The following EPHA2 variants were observed in gnomAD, a reference collection of about 807,000 sequenced individuals.
EPHA2 encodes ephrin type-A receptor 2.
A neutral mutation model predicts 104.9 loss-of-function variants in EPHA2; 54 were observed. The ratio of observed to expected loss-of-function variants is 0.51; its 90% CI spans 0.41 to 0.65. EPHA2 has a LOEUF of 0.65. Ranked by LOEUF, EPHA2 falls within the 30% of genes least tolerant of loss-of-function variation. The pLI is 0.00. For synonymous variants in EPHA2, 560 were observed against 559.1 expected (o/e 1.00, Z -0.02); for missense variants, 1,117 against 1,369.5 (o/e 0.82, Z 2.91).
chr1:16,154,780 AGAAG>A, intron 1 of EPHA2, among the ~76,000 whole-genome samples: 1 of 148,820 alleles, frequency 6.7e-6, no homozygotes, highest in Admixed American at 6.7e-5. Context: ...AAAAAAAAAA[AGAAG>A]GAAACTTCTC....
At chr1:16,127,735 G>A (rs2024495977) in intron 16 of EPHA2, among the ~76,000 whole-genome samples, 1 of 152,218 alleles carries the variant, frequency 6.6e-6, no homozygotes, top group Non-Finnish European at 1.5e-5. Flanking sequence ...AGTGGCTGGT[G>A]GGAGGAGCGG....
rs768555340 is a variant in EPHA2, at chr1:16,131,821, C to T, written c.2375G>A (p.Arg792Gln). Residue 792 changes from arginine to glutamine, a missense_variant, in exon 14 of 17, where the codon CGG (arginine) becomes CAG (glutamine). Around this residue, in one of 3 missense-constraint regions of EPHA2, gnomAD observed 340 missense variants for 480.5 expected, o/e 0.71. Coordinates refer to ENST00000358432, the MANE Select transcript of EPHA2 (RefSeq NM_004431.5). This position sits in a 1 kb window ranked among gnomAD's most constrained non-coding sequence, Gnocchi z 5.2. ...CACGTCGCTGGCAGAGGTGAACTTC[C>T]GGTAGGAAATGGCCTCCGGGGCGGT... is the stretch of plus-strand genomic sequence containing the variant. The part of the protein sequence containing the change: ...RWTAPEAISY[R>Q]KFTSASDVWS... The T allele has an allele frequency of 6.8e-6, 11 of 1,614,124 alleles. No homozygotes were observed. The highest frequency in any genetic ancestry group is 3.3e-5 in the Admixed American group (2 of 60,026).
intron 16 of EPHA2, among the ~76,000 whole-genome samples, chr1:16,126,139 A>G (rs993447696): frequency 6.6e-6 from 1 of 152,106 alleles, no homozygotes; most frequent in Non-Finnish European, 1.5e-5. Context: ...AGATGGACAG[A>G]TGTGCCCAGG....
At chr1:16,142,468 T>G (rs992517682) in intron 3 of EPHA2, among the ~76,000 whole-genome samples, 4 of 152,208 alleles carry the variant, frequency 2.6e-5, no homozygotes, top group Non-Finnish European at 4.4e-5. Context: ...CAGTTAATGT[T>G]TGCTGAATGG....
rs746422806 is a variant in EPHA2 at position 16,135,031 on chromosome 1, C to T, written c.1582+5G>A. Reference sequence around the variant, plus strand: ...CTGGTCCATGCCCAGGGTCCCCCAACTCACACAGCGTCTGGAATTCGTGCA... The same window carrying T: ...CTGGTCCATGCCCAGGGTCCCCCAATTCACACAGCGTCTGGAATTCGTGCA... On this transcript the variant is annotated splice_donor_5th_base_variant and intron_variant, in intron 7 of 16. Coordinates refer to ENST00000358432, the MANE Select transcript of EPHA2 (RefSeq NM_004431.5). The surrounding 1 kb of genome is among the most constrained non-coding windows in gnomAD (Gnocchi z 4.3). 6.2e-7 allele frequency: 1 copy of T among 1,611,900 alleles called. No homozygotes were observed. Among genetic ancestry groups the T allele is most frequent in the Non-Finnish European group, 8.5e-7 (1 of 1,180,012 alleles).
At chr1:16,149,429 C>T (rs890816722) in intron 2 of EPHA2, among the ~76,000 whole-genome samples, 2 of 152,220 alleles carry the variant, frequency 1.3e-5, no homozygotes, top group Non-Finnish European at 2.9e-5. Flanking sequence ...ACTGGCTGAA[C>T]ACAGTGCTTG....
rs564585956 is a variant in EPHA2 at position 16,140,450 on chromosome 1, T to G, written c.824-2020A>C. ...TAAGCACTGTACCCTCATTTAGTCC[T>G]CGCAATAGACCTGCTATATACAGGC... On this transcript the variant is annotated intron_variant, in intron 3 of 16. Coordinates refer to ENST00000358432, the MANE Select transcript of EPHA2 (RefSeq NM_004431.5). Among the ~76,000 whole-genome samples, 17 of 152,146 alleles carry G rather than the reference T, an allele frequency of 1.1e-4. 1 individual carries two copies. The highest frequency in any genetic ancestry group is 1.9e-4 in the Non-Finnish European group (13 of 68,020).
intron 1 of EPHA2, chr1:16,155,555 G>C (rs1281265724): frequency 2.6e-6 from 1 of 383,140 alleles, no homozygotes; most frequent in African/African-American, 2.1e-5. Context: ...CCGCCGGGAC[G>C]CGTTCCCGAA....
Position 16,135,141 on chromosome 1 carries a change from T to C in EPHA2, c.1477A>G (p.Thr493Ala), listed in dbSNP as rs1230360816. 2 of 1,613,788 alleles carry C rather than the reference T, an allele frequency of 1.2e-6. No individual in the cohort carries two copies. The highest frequency in any genetic ancestry group is 1.7e-6 in the Non-Finnish European group (2 of 1,180,014). ...GTGTCTGGGGCCAGGTCGTCCAGGG[T>C]CACGGAGAAACCCTCGGTGCGGCGC... ...NVRRTEGFSV[T>A]LDDLAPDTTY... Residue 493 changes from threonine (T) to alanine (A), a missense_variant, in exon 7 of 17, where the codon ACC becomes GCC. Around this residue, in one of 3 missense-constraint regions of EPHA2, gnomAD observed 664 missense variants for 784.8 expected, o/e 0.85. Transcript: ENST00000358432. The surrounding 1 kb of genome is among the most constrained non-coding windows in gnomAD (Gnocchi z 4.3).
rs1232893452 is a variant in EPHA2 at position 16,134,604 on chromosome 1, C to T, written c.1583-37G>A. The T allele has an allele frequency of 6.2e-7, 1 of 1,606,422 alleles. No individual in the cohort carries two copies. Among genetic ancestry groups the T allele is most frequent in the East Asian group, 2.2e-5 (1 of 44,594 alleles). On this transcript the variant is annotated intron_variant, in intron 7 of 16. Transcript: ENST00000358432. The surrounding 1 kb of genome is among the most constrained non-coding windows in gnomAD (Gnocchi z 4.5). Reference sequence around the variant, plus strand: ...AATCAGCTGATGACAAGGGAGTTCCCCCACAAATTACAGCAACACCCGCGC... The same window carrying T: ...AATCAGCTGATGACAAGGGAGTTCCTCCACAAATTACAGCAACACCCGCGC...
In EPHA2 at chr1:16,135,030, A is replaced by G. The variant is rs374461883; in HGVS notation, c.1582+6T>C. The G allele has an allele frequency of 2.3e-5, 37 of 1,611,676 alleles. No homozygotes were observed. In the African/African-American group the frequency reaches 4.1e-4, roughly 18 times the overall value. On this transcript the variant is annotated splice_donor_region_variant and intron_variant, in intron 7 of 16. Transcript: ENST00000358432. The surrounding 1 kb of genome is among the most constrained non-coding windows in gnomAD (Gnocchi z 4.3). The stretch of plus-strand genomic sequence containing the variant: ...CCTGGTCCATGCCCAGGGTCCCCCA[A>G]CTCACACAGCGTCTGGAATTCGTGC...
At chr1:16,133,945 A>C in intron 8 of EPHA2, 30 bp from the exon 9 acceptor site, 1 of 1,550,056 alleles carries the variant, frequency 6.5e-7, no homozygotes, top group Non-Finnish European at 8.7e-7. Context: ...AACCAAATGC[A>C]GGGAGGTCAG....
At position 16,125,410 on chromosome 1, in the gene EPHA2, G is replaced by C. The variant is rs1279960973; in HGVS notation, c.2826-90C>G. 1.1e-6 allele frequency: 1 copy of C among 941,156 alleles called. No homozygotes were observed. The highest frequency in any genetic ancestry group is 1.6e-6 in the Non-Finnish European group (1 of 638,096). 58.3% of individuals were successfully genotyped at this position (941,156 alleles called of 1,614,324 possible). A position where few individuals can be genotyped will look rare whatever the true frequency, so the allele number is the denominator to read the frequency against. Reference sequence around the variant, plus strand: ...GGGGACAGGACTCGGTGGGCGGCTGGGGAGGGGAGTGGAGGGAGGCAGAGG... The same window carrying C: ...GGGGACAGGACTCGGTGGGCGGCTGCGGAGGGGAGTGGAGGGAGGCAGAGG... On this transcript the variant is annotated intron_variant, in intron 16 of 16. Transcript: ENST00000358432. The surrounding 1 kb of genome is among the most constrained non-coding windows in gnomAD (Gnocchi z 4.9).
chr1:16,139,172 C>T (rs1027006537), intron 3 of EPHA2, among the ~76,000 whole-genome samples: 1 of 152,072 alleles, frequency 6.6e-6, no homozygotes, highest in Non-Finnish European at 1.5e-5. Context: ...CACCTGACTC[C>T]GGGGGCTTCT....
In EPHA2 at chr1:16,150,137, C is replaced by G. The variant is rs972911039; in HGVS notation, c.153+759G>C. Among the ~76,000 whole-genome samples the G allele has an allele frequency of 6.6e-6, 1 of 152,182 alleles. No homozygotes were observed. The highest frequency in any genetic ancestry group is 2.4e-5 in the African/African-American group (1 of 41,434). On this transcript the variant is annotated intron_variant, in intron 2 of 16. Coordinates refer to ENST00000358432, the MANE Select transcript of EPHA2 (RefSeq NM_004431.5). This position sits in a 1 kb window ranked among gnomAD's most constrained non-coding sequence, Gnocchi z 4.8. ...GAGCTAGGGTGACCGGGGACAAGAA[C>G]TCGACTCATGCAGATCTGGCCAGCT...
intron 5 of EPHA2, among the ~76,000 whole-genome samples, chr1:16,136,797 C>CT (rs796639435): frequency 4.9e-4 from 64 of 131,462 alleles, no homozygotes; most frequent in Middle Eastern, 4.3e-3. Flanking sequence ...TGAATGCTTT[C>CT]TTTTTTTTTT....
rs1557505482 is a variant in EPHA2 at position 16,134,826 on chromosome 1, C to T, written c.1582+210G>A. 1.3e-5 allele frequency among the ~76,000 whole-genome samples: 2 copies of T among 152,372 alleles called. No homozygotes were observed. Among genetic ancestry groups the T allele is most frequent in the East Asian group, 1.9e-4 (1 of 5,190 alleles). ...GATTTGAACTTCCTCACACCACTGT[C>T]GTGAATCCACATCCCGGCTCCTCCA... On this transcript the variant is annotated intron_variant, in intron 7 of 16. Transcript: ENST00000358432. This position sits in a 1 kb window ranked among gnomAD's most constrained non-coding sequence, Gnocchi z 4.5.
At chr1:16,147,380 C>T (rs2024953037) in intron 3 of EPHA2, among the ~76,000 whole-genome samples, 1 of 152,150 alleles carries the variant, frequency 6.6e-6, no homozygotes, top group Non-Finnish European at 1.5e-5. Flanking sequence ...TTCCCAAAAG[C>T]TCCGCGGGTG....
In EPHA2 at chr1:16,125,167, G is replaced by A. The variant is rs753511077; in HGVS notation, c.*48C>T. 1.3e-6 allele frequency: 2 copies of A among 1,561,564 alleles called. No individual in the cohort carries two copies. The highest frequency in any genetic ancestry group is 1.4e-5 in the African/African-American group (1 of 73,932). ...CATGGCACAGCAGGGAGGCCACTCT[G>A]TTTCTTCAAGTATTCTTGGCCGATG... is the stretch of plus-strand genomic sequence containing the variant. On this transcript the variant is annotated 3_prime_UTR_variant, in exon 17 of 17. Coordinates refer to ENST00000358432, the MANE Select transcript of EPHA2 (RefSeq NM_004431.5). The surrounding 1 kb of genome is among the most constrained non-coding windows in gnomAD (Gnocchi z 4.9).
Sources: allele counts gnomAD v4.1 joint callset (sites outside exome capture counted in the v4.1 genomes callset), GRCh38; gene constraint gnomAD v4.1.1; regional missense constraint gnomAD v4.1.1; non-coding constraint Gnocchi (gnomAD v3.1); transcripts MANE v1.5; gene names NCBI Gene and HGNC (gene_info 2026-07-23, HGNC 2026-07-21).